The following AQP9 variants were observed in gnomAD, a reference collection of about 807,000 sequenced individuals.
AQP9 encodes the protein aquaporin 9.
AQP9 carries 19 observed loss-of-function variants against 23.8 expected under a neutral mutation model. That is an observed-to-expected ratio of 0.80 (90% CI 0.56 to 1.17). AQP9 has a LOEUF of 1.17. AQP9 is among the 50% of genes most tolerant of loss of function. The probability of loss-of-function intolerance (pLI) is 0.00; values close to 1 mark genes in which losing one functional copy is unlikely to be tolerated. For synonymous variants in AQP9, 153 were observed against 131.5 expected, an observed-to-expected ratio of 1.16 and a Z score of -1.12; for missense variants, 413 against 362.0, an observed-to-expected ratio of 1.14 and a Z score of -1.14.
chr15:58,169,834 T>C (rs1404859567), intron 2 of AQP9, among the ~76,000 whole-genome samples: 2 of 152,250 alleles, frequency 1.3e-5, no homozygotes, highest in African/African-American at 2.4e-5. Flanking sequence ...TTGCTATTGA[T>C]GTAGTATTTT....
At chr15:58,175,060 T>G in intron 4 of AQP9, 24 bp downstream of exon 4, 1 of 1,564,412 alleles carries the variant, frequency 6.4e-7, no homozygotes, top group Non-Finnish European at 8.8e-7. Flanking sequence ...CAACAAAGAC[T>G]TAACTTTGGT....
intron 1 of AQP9, 175 bp downstream of exon 1, chr15:58,138,851 T>A: frequency 1.7e-6 from 1 of 576,846 alleles, no homozygotes; most frequent in Non-Finnish European, 3.0e-6. Context: ...GTTGTGATAT[T>A]AAGTTTTCAA....
At chr15:58,183,867 A>T in intron 5 of AQP9, 94 bp from the exon 6 acceptor site, 1 of 1,381,986 alleles carries the variant, frequency 7.2e-7, no homozygotes, top group Non-Finnish European at 1.0e-6. Flanking sequence ...GGGAACCATG[A>T]GTGTGAGAAA....
intron 3 of AQP9, among the ~76,000 whole-genome samples, chr15:58,173,473 T>C (rs528164207): frequency 6.6e-6 from 1 of 152,206 alleles, no homozygotes; most frequent in East Asian, 1.9e-4. Context: ...TACACATCCA[T>C]ACAACAAGCA....
chr15:58,161,803 T>C (rs1898388779), intron 1 of AQP9, among the ~76,000 whole-genome samples: 1 of 152,186 alleles, frequency 6.6e-6, no homozygotes, highest in East Asian at 1.9e-4. Flanking sequence ...TGATTCTTTA[T>C]CAAAAAGCCA....
In AQP9 at chr15:58,169,839, T is replaced by C. The variant is rs138665893; in HGVS notation, c.238+3040T>C. ...CTAATGGCAATTGCTATTGATGTAG[T>C]ATTTTATGACTAAAATAAACTTATT... On this transcript the variant is annotated intron_variant, in intron 2 of 5. Transcript: ENST00000219919. 1.3e-3 allele frequency among the ~76,000 whole-genome samples: 193 copies of C among 152,362 alleles called. 1 individual carries two copies. Among genetic ancestry groups the C allele is most frequent in the African/African-American group, 4.4e-3 (185 of 41,578 alleles).
intron 5 of AQP9, among the ~76,000 whole-genome samples, chr15:58,181,851 C>T (rs1319622402): frequency 4.6e-5 from 7 of 152,088 alleles, no homozygotes; most frequent in Admixed American, 4.6e-4. Flanking sequence ...GGCTGGTAAT[C>T]CTCAACCAAA....
At chr15:58,176,206 A>T (rs1285481525) in intron 4 of AQP9, among the ~76,000 whole-genome samples, 1 of 152,168 alleles carries the variant, frequency 6.6e-6, no homozygotes. Flanking sequence ...TTGAACAAGG[A>T]AACAATGCAA....
intron 2 of AQP9, among the ~76,000 whole-genome samples, chr15:58,171,173 C>T (rs1314556368): frequency 6.6e-6 from 1 of 151,148 alleles, no homozygotes; most frequent in Non-Finnish European, 1.5e-5. Context: ...CTGCAACCTC[C>T]GCCTCCTGGG....
intron 1 of AQP9, among the ~76,000 whole-genome samples, chr15:58,159,865 T>C (rs528991190): frequency 6.6e-6 from 1 of 152,348 alleles, no homozygotes; most frequent in East Asian, 1.9e-4. Context: ...GAATAATGTT[T>C]CATTGCGTAT....
intron 1 of AQP9, among the ~76,000 whole-genome samples, chr15:58,142,014 A>T (rs765401302): frequency 7.9e-5 from 12 of 152,160 alleles, no homozygotes; most frequent in African/African-American, 2.9e-4. Flanking sequence ...CTCTGAGATA[A>T]GGGTGGGCAG....
chr15:58,176,109 G>A (rs766555010), intron 4 of AQP9, among the ~76,000 whole-genome samples: 1 of 152,168 alleles, frequency 6.6e-6, no homozygotes, highest in Non-Finnish European at 1.5e-5. Flanking sequence ...CCTTCATGAA[G>A]TTACTTATGA....
chr15:58,181,097 T>A (rs1366090405), intron 5 of AQP9, among the ~76,000 whole-genome samples: 2 of 152,162 alleles, frequency 1.3e-5, no homozygotes, highest in African/African-American at 4.8e-5. Context: ...CAAAGAGACA[T>A]GGTGGTTCCA....
In AQP9 at chr15:58,161,187, A is replaced by G. The variant is rs535648420; in HGVS notation, c.112-5486A>G. 5.6e-4 allele frequency among the ~76,000 whole-genome samples: 85 copies of G among 152,250 alleles called. No homozygotes were observed. In the South Asian group the frequency reaches 0.017, roughly 30 times the overall value. The stretch of plus-strand genomic sequence containing the variant: ...GCTGCAGATGAAGGCTCTGCAAGAT[A>G]TGGGAATGACAGACTATGGGTGGCC... On this transcript the variant is annotated intron_variant, in intron 1 of 5. Transcript: ENST00000219919.
chr15:58,176,801 G>T (rs1011547011), intron 4 of AQP9, among the ~76,000 whole-genome samples: 5 of 151,852 alleles, frequency 3.3e-5, no homozygotes, highest in Non-Finnish European at 5.9e-5. Context: ...AGTAGAGACG[G>T]GGTTTCACCA....
intron 1 of AQP9, among the ~76,000 whole-genome samples, chr15:58,157,446 G>A (rs747348914): frequency 4.6e-5 from 7 of 152,208 alleles, no homozygotes; most frequent in Non-Finnish European, 1.0e-4. Context: ...TAAATAAAAT[G>A]TAATAAAGGG....
At chr15:58,171,079 C>A (rs1053873055) in intron 2 of AQP9, among the ~76,000 whole-genome samples, 1 of 150,450 alleles carries the variant, frequency 6.6e-6, no homozygotes, top group Non-Finnish European at 1.5e-5. Flanking sequence ...TGCGAGCCAC[C>A]ACGCCCAACT....
At chr15:58,159,285 GT>G (rs531252865) in intron 1 of AQP9, among the ~76,000 whole-genome samples, 52 of 147,710 alleles carry the variant, frequency 3.5e-4, no homozygotes, top group African/African-American at 6.2e-4. Context: ...ATTAAGTTGG[GT>G]TTTTTTTTTA....
At chr15:58,173,495 G>A (rs542658814) in intron 3 of AQP9, among the ~76,000 whole-genome samples, 2 of 152,154 alleles carry the variant, frequency 1.3e-5, no homozygotes, top group Non-Finnish European at 2.9e-5. Context: ...TAGGCCAGTG[G>A]CTTCCCCACT....
Sources: gnomAD v4.1 joint callset for allele counts (sites outside exome capture counted in the v4.1 genomes callset) on GRCh38, gnomAD v4.1.1 for gene constraint, MANE v1.5 for transcripts, NCBI Gene and HGNC (gene_info 2026-07-23, HGNC 2026-07-21) for gene names.